The following PPM1E variants were observed in gnomAD, a reference collection of about 807,000 sequenced individuals.
The protein encoded by PPM1E is protein phosphatase, Mg2+/Mn2+ dependent 1E, also known as protein phosphatase 1E.
A neutral mutation model predicts 65.9 loss-of-function variants in PPM1E; 20 were observed. That is an observed-to-expected ratio of 0.30 (90% confidence interval 0.21 to 0.44). PPM1E has a LOEUF of 0.44. Ranked by LOEUF, PPM1E falls within the 20% of genes least tolerant of loss-of-function variation. PPM1E has a pLI of 1.00. For synonymous variants in PPM1E, 352 were observed against 374.9 expected (o/e 0.94, Z 0.70); for missense variants, 713 against 953.1 (o/e 0.75, Z 3.32).
intron 1 of PPM1E, among the ~76,000 whole-genome samples, chr17:58,788,289 G>A (rs2050122915): frequency 6.6e-6 from 1 of 152,136 alleles, no homozygotes. Context: ...GACCTCAAGT[G>A]ATCCACCTGC....
intron 1 of PPM1E, among the ~76,000 whole-genome samples, chr17:58,790,384 T>A (rs1278561673): frequency 1.3e-5 from 2 of 152,126 alleles, no homozygotes; most frequent in Non-Finnish European, 2.9e-5. Flanking sequence ...TATGATCTAG[T>A]GAGAAAGGCA....
chr17:58,956,923 ATTGT>A (rs1360923422), intron 2 of PPM1E, among the ~76,000 whole-genome samples: 5 of 152,194 alleles, frequency 3.3e-5, no homozygotes, highest in African/African-American at 7.2e-5. Flanking sequence ...ATCTCTGTAG[ATTGT>A]TTGTGACAGA....
In PPM1E at chr17:58,979,676, CATT is replaced by C. The variant is rs1279416524; in HGVS notation, c.1211-297_1211-295del. On this transcript the variant is annotated intron_variant, in intron 6 of 6. Transcript: ENST00000308249. Reference sequence around the variant, plus strand: ...TACAGCAACAAACTTTTAGATCTGACATTGTTGTTACACTCAGCTAAGCCTAAA... The same window carrying C: ...TACAGCAACAAACTTTTAGATCTGACGTTGTTACACTCAGCTAAGCCTAAA... Among the ~76,000 whole-genome samples, 4 of 152,134 alleles carry C rather than the reference CATT, an allele frequency of 2.6e-5. 1 individual carries two copies. Among genetic ancestry groups the C allele is most frequent in the Admixed American group, 1.3e-4 (2 of 15,268 alleles).
At chr17:58,940,162 A>T (rs1413308026) in intron 1 of PPM1E, among the ~76,000 whole-genome samples, 3 of 152,234 alleles carry the variant, frequency 2.0e-5, no homozygotes, top group African/African-American at 7.2e-5. Context: ...AGAAATGATG[A>T]AAGAAAGCAG....
chr17:58,805,989 AC>A (rs1333852080), intron 1 of PPM1E, among the ~76,000 whole-genome samples: 3,218 of 107,966 alleles, frequency 0.03, 291 homozygotes, highest in South Asian at 0.035. Flanking sequence ...AAAAAACAAA[AC>A]AAAACAAAAC....
chr17:58,781,858 C>T (rs1356720644), intron 1 of PPM1E, among the ~76,000 whole-genome samples: 1 of 151,792 alleles, frequency 6.6e-6, no homozygotes, highest in Non-Finnish European at 1.5e-5. Context: ...TGCACTCCAG[C>T]CTGGGCAACA....
In PPM1E at chr17:58,851,117, C is replaced by T. The variant is rs191284187; in HGVS notation, c.464+94656C>T. ...CACGTAGTTCTCGTGCCATGGTTTT[C>T]AGCTCCATCAGGTCATTTAAGGGCT... On this transcript the variant is annotated intron_variant, in intron 1 of 6. Transcript: ENST00000308249. Among the ~76,000 whole-genome samples the T allele has an allele frequency of 1.1e-3, 166 of 152,298 alleles. 1 individual carries two copies. The highest frequency in any genetic ancestry group is 3.9e-3 in the African/African-American group (161 of 41,564).
chr17:58,865,490 C>A (rs2050991643), intron 1 of PPM1E, among the ~76,000 whole-genome samples: 1 of 152,160 alleles, frequency 6.6e-6, no homozygotes, highest in Non-Finnish European at 1.5e-5. Context: ...GCGGGAAGAT[C>A]ATTTGAGCCC....
intron 1 of PPM1E, among the ~76,000 whole-genome samples, chr17:58,919,764 A>G (rs1480400432): frequency 2.6e-5 from 4 of 152,092 alleles, no homozygotes; most frequent in African/African-American, 9.7e-5. Context: ...TCCAGCCTGA[A>G]CGACAAGAAT....
At chr17:58,889,417 G>A (rs2051318747) in intron 1 of PPM1E, among the ~76,000 whole-genome samples, 1 of 152,116 alleles carries the variant, frequency 6.6e-6, no homozygotes, top group Non-Finnish European at 1.5e-5. Context: ...TGGCCAACAT[G>A]GTGAAACCCC....
rs962826169 is a variant in PPM1E at position 58,982,801 on chromosome 17, C to T, written c.*1770C>T. ...GTCAACATGGCCCCAACTATAGTGC[C>T]GGAACCTTTTCATCATTCTGAGGCT... is the stretch of plus-strand genomic sequence containing the variant. On this transcript the variant is annotated 3_prime_UTR_variant, in exon 7 of 7. Coordinates refer to ENST00000308249, the MANE Select transcript of PPM1E (RefSeq NM_014906.5). 19 of 1,023,220 alleles carry T rather than the reference C, an allele frequency of 1.9e-5. No homozygotes were observed. In the African/African-American group the frequency reaches 2.4e-4, roughly 13 times the overall value. The allele number at this position is 1,023,220 out of a possible 1,614,324, so 63.4% of individuals were successfully genotyped here.
Position 58,948,760 on chromosome 17 carries a change from C to A in PPM1E, c.465-6889C>A, listed in dbSNP as rs544005233. Among the ~76,000 whole-genome samples, 33 of 152,196 alleles carry A rather than the reference C, an allele frequency of 2.2e-4. No homozygotes were observed. The South Asian group carries it at 5.4e-3, about 25-fold the overall frequency. On this transcript the variant is annotated intron_variant, in intron 1 of 6. Coordinates refer to ENST00000308249, the MANE Select transcript of PPM1E (RefSeq NM_014906.5). ...AATTAGTCAATTTCCTTCTTAATTT[C>A]TTTCTTCACCCATTGGTTGTTTAGG...
At position 58,762,064 on chromosome 17, in the gene PPM1E, G is replaced by A. The variant is rs114185774; in HGVS notation, c.464+5603G>A. Among the ~76,000 whole-genome samples the A allele has an allele frequency of 2.5e-3, 375 of 152,316 alleles. 2 individuals carry two copies. Among genetic ancestry groups the A allele is most frequent in the African/African-American group, 8.7e-3 (362 of 41,564 alleles). On this transcript the variant is annotated intron_variant, in intron 1 of 6. Coordinates refer to ENST00000308249, the MANE Select transcript of PPM1E (RefSeq NM_014906.5). ...GCAAATTCCACAGCTTATGGGGGTT[G>A]ACCGTGGCATCCTTTCTCCAATTTT...
intron 1 of PPM1E, among the ~76,000 whole-genome samples, chr17:58,921,742 G>A (rs1292407284): frequency 2.0e-5 from 3 of 151,018 alleles, no homozygotes; most frequent in African/African-American, 7.3e-5. Flanking sequence ...TTACCATTGT[G>A]TAGGAAGAAA....
At chr17:58,803,685 C>G (rs1373590816) in intron 1 of PPM1E, among the ~76,000 whole-genome samples, 1 of 152,162 alleles carries the variant, frequency 6.6e-6, no homozygotes, top group Non-Finnish European at 1.5e-5. Context: ...GGGGCAAAAT[C>G]ATTTTCAGTC....
chr17:58,782,568 A>AT lies in PPM1E; in HGVS notation c.464+26121dup, dbSNP rs75113458. On this transcript the variant is annotated intron_variant, in intron 1 of 6. Coordinates refer to ENST00000308249, the MANE Select transcript of PPM1E (RefSeq NM_014906.5). Reference sequence around the variant, plus strand: ...AGGTGCGTGCCACCACGCCTGGCTAATTTTTTTTTTTTTTGTATTTTTTAA... The same window carrying AT: ...AGGTGCGTGCCACCACGCCTGGCTAATTTTTTTTTTTTTTTGTATTTTTTAA... 7.5e-3 allele frequency among the ~76,000 whole-genome samples: 1,061 copies of AT among 141,482 alleles called. 2 individuals carry two copies. The highest frequency in any genetic ancestry group is 0.011 in the South Asian group (47 of 4,354). The allele number at this position is 141,482 out of a possible 152,430, so 92.8% of individuals were successfully genotyped here. A position where few individuals can be genotyped will look rare whatever the true frequency, so the allele number is the denominator to read the frequency against.
intron 1 of PPM1E, among the ~76,000 whole-genome samples, chr17:58,888,199 A>C (rs751112895): frequency 2.0e-5 from 3 of 152,146 alleles, no homozygotes; most frequent in Non-Finnish European, 4.4e-5. Flanking sequence ...GAGAGGTATG[A>C]CTGGAAGATA....
intron 4 of PPM1E, 38 bp from the exon 5 acceptor site, chr17:58,972,094 C>G (rs766309788): frequency 2.5e-6 from 4 of 1,582,568 alleles, no homozygotes; most frequent in South Asian, 1.1e-5. Context: ...GTATCTATTT[C>G]TTTTCACTGA....
At chr17:58,855,872 C>A (rs2050877162) in intron 1 of PPM1E, among the ~76,000 whole-genome samples, 1 of 152,156 alleles carries the variant, frequency 6.6e-6, no homozygotes, top group South Asian at 2.1e-4. Flanking sequence ...AGTGAATCTT[C>A]CCCTGTGGTG....
Sources: gnomAD v4.1 joint callset for allele counts (sites outside exome capture counted in the v4.1 genomes callset) on GRCh38, gnomAD v4.1.1 for gene constraint, MANE v1.5 for transcripts, NCBI Gene and HGNC (gene_info 2026-07-23, HGNC 2026-07-21) for gene names.